Variants in PES1 observed in about 807,000 individuals in gnomAD.
The protein encoded by PES1 is pescadillo homolog.
Under a neutral mutation model 77.1 loss-of-function variants are expected in PES1, and 31 were observed. The observed-to-expected ratio is 0.40, with a 90% CI of 0.30 to 0.54. The LOEUF is 0.54. Among genes scored for constraint, PES1 ranks in the 20% least tolerant of loss-of-function variants. The pLI is 0.45. For synonymous variants in PES1, 282 were observed against 303.0 expected, an observed-to-expected ratio of 0.93 and a Z score of 0.72; for missense variants, 658 against 771.7, an observed-to-expected ratio of 0.85 and a Z score of 1.75.
intron 2 of PES1, among the ~76,000 whole-genome samples, chr22:30,597,869 C>A (rs562150008): frequency 1.4e-5 from 2 of 147,684 alleles, no homozygotes; most frequent in Non-Finnish European, 3.0e-5. Context: ...TTTTTCCACG[C>A]AGTTGAAGTT....
intron 2 of PES1, among the ~76,000 whole-genome samples, chr22:30,588,482 A>G (rs1453523013): frequency 6.6e-6 from 1 of 152,198 alleles, no homozygotes; most frequent in Non-Finnish European, 1.5e-5. Flanking sequence ...TGAAGGAATA[A>G]AAGTGGACCA....
chr22:30,597,273 G>C (rs2087268629), intron 2 of PES1, among the ~76,000 whole-genome samples: 1 of 151,988 alleles, frequency 6.6e-6, no homozygotes, highest in South Asian at 2.1e-4. Context: ...GGACTGGCAG[G>C]CAGCTCCACC....
At chr22:30,600,097 A>G (rs1431819085) in intron 2 of PES1, among the ~76,000 whole-genome samples, 1 of 151,622 alleles carries the variant, frequency 6.6e-6, no homozygotes, top group Non-Finnish European at 1.5e-5. Context: ...TTTGGGAGGC[A>G]GAGACAGGCA....
chr22:30,597,013 C>T (rs933585788), intron 2 of PES1, among the ~76,000 whole-genome samples: 4 of 152,218 alleles, frequency 2.6e-5, no homozygotes, highest in South Asian at 2.1e-4. Flanking sequence ...CCGGGCCAGC[C>T]GCTGCGGAGA....
intron 6 of PES1, 45 bp from the exon 7 acceptor site, chr22:30,581,689 G>A: frequency 7.4e-7 from 1 of 1,359,412 alleles, no homozygotes; most frequent in African/African-American, 1.4e-5. Flanking sequence ...TGCAGGGATG[G>A]GGGCAAAGGA....
rs1443074222 is a variant in PES1 at position 30,579,786 on chromosome 22, A to G, written c.1319T>C (p.Leu440Pro). The G allele has an allele frequency of 6.2e-7, 1 of 1,613,896 alleles. No individual in the cohort carries two copies. The highest frequency in any genetic ancestry group is 8.5e-7 in the Non-Finnish European group (1 of 1,180,006). ...KEGDYVPPEK[L>P]KLLALQRGED... ...TCCCCGCTGCAGAGCCAGCAGCTTC[A>G]GCTTCTCAGGTGGAACGTAATCTCC... is the stretch of plus-strand genomic sequence containing the variant. Residue 440 changes from leucine to proline, a missense_variant, in exon 12 of 15, where the codon CTG (leucine) becomes CCG (proline). Coordinates refer to ENST00000354694, the MANE Select transcript of PES1 (RefSeq NM_014303.4).
At chr22:30,598,036 A>T (rs140043016) in intron 2 of PES1, among the ~76,000 whole-genome samples, 5,887 of 152,024 alleles carry the variant, frequency 0.039, 219 homozygotes, top group African/African-American at 0.095. Flanking sequence ...GGCGCCCGCC[A>T]CTACGCCCGG....
chr22:30,596,462 G>A (rs1470222644), upstream of PES1, among the ~76,000 whole-genome samples: 3 of 150,480 alleles, frequency 2.0e-5, no homozygotes, highest in Non-Finnish European at 4.4e-5. Flanking sequence ...TGGGATTACA[G>A]GCATGAGCCA....
At chr22:30,598,028 C>T (rs1323819398) in intron 2 of PES1, among the ~76,000 whole-genome samples, 2 of 151,236 alleles carry the variant, frequency 1.3e-5, no homozygotes, top group African/African-American at 2.4e-5. Context: ...GGACTACAGG[C>T]GCCCGCCACT....
chr22:30,592,242 A>G (rs2087193443), upstream of PES1: 3 of 1,011,964 alleles, frequency 3.0e-6, no homozygotes, highest in Admixed American at 5.9e-5. Context: ...GCCGCACTCC[A>G]TGGTGCGCGA....
chr22:30,582,248 G>A (rs1330477758), intron 6 of PES1, among the ~76,000 whole-genome samples: 2 of 152,210 alleles, frequency 1.3e-5, no homozygotes, highest in African/African-American at 2.4e-5. Context: ...CGCCCACTGA[G>A]TCCCACCTCT....
rs2087434244 is a variant in PES1, at chr22:30,606,013, A to G, written c.-717-496T>C. ...GCCTAACCCTCTCTTCTCACACAGG[A>G]AGAACTATTTTAAACTCGAGAGGTT... On this transcript the variant is annotated intron_variant, in intron 1 of 16. Transcript: ENST00000402281. 1.3e-5 allele frequency among the ~76,000 whole-genome samples: 2 copies of G among 152,166 alleles called. 1 individual carries two copies. Among genetic ancestry groups the G allele is most frequent in the South Asian group, 4.1e-4 (2 of 4,828 alleles).
At chr22:30,593,261 C>T (rs1569029171), upstream of PES1, among the ~76,000 whole-genome samples, 4 of 152,024 alleles carry the variant, frequency 2.6e-5, no homozygotes, top group African/African-American at 4.8e-5. Context: ...CTGAGGCAGG[C>T]GGATCACCTG....
chr22:30,586,963 C>G, intron 4 of PES1: 1 of 311,396 alleles, frequency 3.2e-6, no homozygotes, highest in Non-Finnish European at 6.0e-6. Context: ...TCCCACGTCT[C>G]ACCAGGTACC....
intron 4 of PES1, chr22:30,585,505 C>A: frequency 3.7e-6 from 1 of 266,810 alleles, no homozygotes; most frequent in South Asian, 3.2e-5. Flanking sequence ...CCTAGAAACA[C>A]CTTGAGCCCA....
intron 2 of PES1, among the ~76,000 whole-genome samples, chr22:30,597,165 G>T (rs1482732172): frequency 6.6e-6 from 1 of 152,086 alleles, no homozygotes; most frequent in Non-Finnish European, 1.5e-5. Context: ...GTGGGCTCCG[G>T]CACAGCCTAA....
At position 30,581,348 on chromosome 22, in the gene PES1, C is replaced by T. The variant is rs200989483; in HGVS notation, c.808G>A (p.Glu270Lys). 87 of 1,613,830 alleles carry T rather than the reference C, an allele frequency of 5.4e-5. No individual in the cohort carries two copies. The East Asian group carries it at 1.4e-3, about 26-fold the overall frequency. Residue 270 changes from glutamate to lysine, a missense_variant, in exon 8 of 15, where the codon GAG (glutamate) becomes AAG (lysine). Transcript: ENST00000354694. ...AGEGTYALDS[E>K]SCMEKLAALS... Reference sequence around the variant, plus strand: ...GAGCCTCTCACCTCCATACAACTCTCGGAGTCCAACGCGTAGGTGCCCTCA... The same window carrying T: ...GAGCCTCTCACCTCCATACAACTCTTGGAGTCCAACGCGTAGGTGCCCTCA...
chr22:30,600,687 G>A (rs983446368), intron 2 of PES1, among the ~76,000 whole-genome samples: 4 of 152,110 alleles, frequency 2.6e-5, no homozygotes, highest in African/African-American at 9.7e-5. Context: ...GTGGTGGCGG[G>A]CGCCTGTAGT....
chr22:30,591,679 C>T, intron 1 of PES1, 131 bp downstream of exon 1: 2 of 1,010,146 alleles, frequency 2.0e-6, no homozygotes, highest in Non-Finnish European at 2.8e-6. Context: ...CCCCTTCTCG[C>T]AGCTGATTAC....
Sources: gnomAD v4.1 joint callset for allele counts (sites outside exome capture counted in the v4.1 genomes callset) on GRCh38, gnomAD v4.1.1 for gene constraint, MANE v1.5 for transcripts, NCBI Gene and HGNC (gene_info 2026-07-23, HGNC 2026-07-21) for gene names.